TSHZ2: variants seen among roughly 807,000 people sequenced by gnomAD.
The protein encoded by TSHZ2 is teashirt homolog 2.
Under a neutral mutation model 74.4 loss-of-function variants are expected in TSHZ2, and 21 were observed. The ratio of observed to expected loss-of-function variants is 0.28; its 90% confidence interval spans 0.20 to 0.41. TSHZ2 has a LOEUF of 0.41. Ranked by LOEUF, TSHZ2 falls within the 10% of genes least tolerant of loss-of-function variation. TSHZ2 has a pLI of 1.00. For synonymous variants in TSHZ2, 540 were observed against 515.3 expected (o/e 1.05, Z -0.65); for missense variants, 1,244 against 1,293.5 (o/e 0.96, Z 0.59).
In TSHZ2 at chr20:53,028,245, C is replaced by G. The variant is rs139774872; in HGVS notation, c.40+54912C>G. ...TGAAAGCCACACTCATGGAGTTTCC[C>G]CACTACATCCCCCTTCACCTGGATG... is the stretch of plus-strand genomic sequence containing the variant. On this transcript the variant is annotated intron_variant, in intron 1 of 2. Transcript: ENST00000371497. Among the ~76,000 whole-genome samples the G allele has an allele frequency of 3.9e-5, 6 of 152,306 alleles. No individual in the cohort carries two copies. In the East Asian group the frequency reaches 1.2e-3, roughly 29 times the overall value.
chr20:53,484,350 C>T (rs1290107013), intron 2 of TSHZ2, among the ~76,000 whole-genome samples: 1 of 151,166 alleles, frequency 6.6e-6, no homozygotes, highest in East Asian at 1.9e-4. Flanking sequence ...TAGCTGTGAA[C>T]CCTAGGACAA....
At chr20:53,335,789 G>GA (rs532279655) in intron 2 of TSHZ2, among the ~76,000 whole-genome samples, 107 of 150,184 alleles carry the variant, frequency 7.1e-4, no homozygotes, top group Non-Finnish European at 1.2e-3. Context: ...ACAAGCACTA[G>GA]AAAAAAATCA....
chr20:53,175,017 T>A (rs1394546180), intron 1 of TSHZ2, among the ~76,000 whole-genome samples: 1 of 151,948 alleles, frequency 6.6e-6, no homozygotes. Flanking sequence ...TCTCGATGAG[T>A]TTCTGTTTGC....
intron 1 of TSHZ2, among the ~76,000 whole-genome samples, chr20:53,035,348 G>A (rs909774443): frequency 6.6e-6 from 1 of 152,058 alleles, no homozygotes; most frequent in African/African-American, 2.4e-5. Context: ...AGGGAAAGAG[G>A]CAATGCAGCA....
At chr20:53,179,257 A>C (rs1988417347) in intron 1 of TSHZ2, 1 of 152,114 alleles carries the variant, frequency 6.6e-6, no homozygotes, top group Non-Finnish European at 1.5e-5. Context: ...CACCACATCG[A>C]GTCTTGGTCT....
chr20:53,345,127 G>A (rs1487547773), intron 2 of TSHZ2, among the ~76,000 whole-genome samples: 1 of 152,244 alleles, frequency 6.6e-6, no homozygotes, highest in Non-Finnish European at 1.5e-5. Flanking sequence ...CCTGGAGGAA[G>A]TGACATTTCA....
chr20:53,182,322 A>G (rs2123514866), intron 1 of TSHZ2, among the ~76,000 whole-genome samples: 2 of 151,796 alleles, frequency 1.3e-5, no homozygotes, highest in Middle Eastern at 6.8e-3. Context: ...AATATTTAGT[A>G]AATCTTCATT....
chr20:53,380,962 A>G (rs911196487), intron 2 of TSHZ2, among the ~76,000 whole-genome samples: 2 of 152,258 alleles, frequency 1.3e-5, no homozygotes, highest in African/African-American at 4.8e-5. Flanking sequence ...GGTCTCATCA[A>G]TTCAGACTGT....
intron 2 of TSHZ2, among the ~76,000 whole-genome samples, chr20:53,292,895 A>T (rs78155803): frequency 2.0e-5 from 3 of 152,234 alleles, no homozygotes; most frequent in Non-Finnish European, 2.9e-5. Context: ...AGCAAGGCTC[A>T]GATAAAAGTC....
chr20:52,989,261 T>G (rs564492738), intron 1 of TSHZ2, among the ~76,000 whole-genome samples: 1 of 152,278 alleles, frequency 6.6e-6, no homozygotes, highest in African/African-American at 2.4e-5. Flanking sequence ...GGGTCACATT[T>G]TAAAACAACC....
At chr20:53,051,847 C>T (rs547486756) in intron 1 of TSHZ2, among the ~76,000 whole-genome samples, 13 of 152,222 alleles carry the variant, frequency 8.5e-5, no homozygotes, top group East Asian at 5.8e-4. Context: ...AAGAAAGGTG[C>T]GAACCCATAG....
At chr20:53,472,303 A>C (rs1175206436) in intron 2 of TSHZ2, among the ~76,000 whole-genome samples, 2 of 152,190 alleles carry the variant, frequency 1.3e-5, no homozygotes, top group Non-Finnish European at 2.9e-5. Flanking sequence ...TGGCCGTGGA[A>C]ATACAGTTCG....
chr20:52,978,761 G>A (rs1394319463), intron 1 of TSHZ2, among the ~76,000 whole-genome samples: 1 of 152,108 alleles, frequency 6.6e-6, no homozygotes, highest in Non-Finnish European at 1.5e-5. Context: ...TGCTTCACAA[G>A]TTGAGAACGC....
rs994893626 is a variant in TSHZ2 at position 53,478,975 on chromosome 20, G to A, written c.*9-8169G>A. Among the ~76,000 whole-genome samples, 73 of 152,064 alleles carry A rather than the reference G, an allele frequency of 4.8e-4. 1 individual carries two copies. Among genetic ancestry groups the A allele is most frequent in the Non-Finnish European group, 5.9e-5 (4 of 68,014 alleles). On this transcript the variant is annotated intron_variant, in intron 2 of 2. Transcript: ENST00000371497. ...GGATCAGGGATTCCAGACCAGTCTG[G>A]TCAACATGGTGAAACCCCATCTCTA...
chr20:53,261,555 C>T (rs553666552), intron 2 of TSHZ2, among the ~76,000 whole-genome samples: 1 of 152,270 alleles, frequency 6.6e-6, no homozygotes, highest in East Asian at 1.9e-4. Context: ...ACAAATGCAT[C>T]GTCTTCCTTA....
chr20:53,151,076 C>T (rs1273931318), intron 1 of TSHZ2, among the ~76,000 whole-genome samples: 1 of 152,160 alleles, frequency 6.6e-6, no homozygotes, highest in Non-Finnish European at 1.5e-5. Context: ...TATTTAAGGC[C>T]TTATCATATC....
chr20:53,302,402 G>A (rs1287207033), intron 2 of TSHZ2, among the ~76,000 whole-genome samples: 1 of 152,126 alleles, frequency 6.6e-6, no homozygotes, highest in African/African-American at 2.4e-5. Context: ...ATCGAACCTT[G>A]TTAGTGAATA....
At chr20:53,314,544 G>T (rs1257522397) in intron 2 of TSHZ2, among the ~76,000 whole-genome samples, 1 of 151,674 alleles carries the variant, frequency 6.6e-6, no homozygotes, top group African/African-American at 2.4e-5. Flanking sequence ...CCACATACCT[G>T]GTGCTCCATG....
At chr20:53,479,204 A>C (rs1361231208) in intron 2 of TSHZ2, among the ~76,000 whole-genome samples, 1 of 151,868 alleles carries the variant, frequency 6.6e-6, no homozygotes, top group Non-Finnish European at 1.5e-5. Flanking sequence ...AAATTGAGAC[A>C]TGAAAATGCA....
Sources: allele counts gnomAD v4.1 joint callset (sites outside exome capture counted in the v4.1 genomes callset), GRCh38; gene constraint gnomAD v4.1.1; transcripts MANE v1.5; gene names NCBI Gene and HGNC (gene_info 2026-07-23, HGNC 2026-07-21).